GPC5: variants seen among roughly 807,000 people sequenced by gnomAD.
GPC5 encodes glypican 5.
In GPC5, 47 loss-of-function variants were observed where a neutral mutation model predicts 53.9. The ratio of observed to expected loss-of-function variants is 0.87; its 90% confidence interval spans 0.69 to 1.11. The LOEUF (loss-of-function observed/expected upper bound fraction) is 1.11. GPC5 is among the 50% of genes most tolerant of loss of function. The pLI is 0.00. For synonymous variants in GPC5, 286 were observed against 263.3 expected (o/e 1.09, Z -0.84); for missense variants, 748 against 713.1 (o/e 1.05, Z -0.56).
At chr13:92,417,952 T>G (rs1876386765) in intron 7 of GPC5, among the ~76,000 whole-genome samples, 1 of 152,170 alleles carries the variant, frequency 6.6e-6, no homozygotes, top group African/African-American at 2.4e-5. Context: ...TGTAATATAA[T>G]CATACAATAG....
intron 7 of GPC5, among the ~76,000 whole-genome samples, chr13:92,206,170 T>G (rs71447392): frequency 0.69 from 91,908 of 132,288 alleles, 31,726 homozygotes; most frequent in African/African-American, 0.77. Flanking sequence ...TTTTTTTATT[T>G]TTTTTTTTTT....
chr13:91,594,086 A>T (rs1049478127), intron 2 of GPC5, among the ~76,000 whole-genome samples: 1 of 152,186 alleles, frequency 6.6e-6, no homozygotes, highest in African/African-American at 2.4e-5. Context: ...ATCTTTCTTC[A>T]TGGGTTTTTC....
intron 7 of GPC5, among the ~76,000 whole-genome samples, chr13:92,231,914 C>T (rs993499472): frequency 3.9e-5 from 6 of 152,074 alleles, no homozygotes; most frequent in African/African-American, 1.4e-4. Context: ...TGCAGTGAGC[C>T]GAGATCGCGC....
At chr13:91,857,675 C>T (rs1478752544) in intron 5 of GPC5, among the ~76,000 whole-genome samples, 7 of 150,738 alleles carry the variant, frequency 4.6e-5, no homozygotes, top group Non-Finnish European at 8.9e-5. Context: ...CAAGGACATA[C>T]ATACTTGCCT....
intron 6 of GPC5, among the ~76,000 whole-genome samples, chr13:91,944,468 G>C (rs1326041747): frequency 6.6e-6 from 1 of 152,110 alleles, no homozygotes; most frequent in Non-Finnish European, 1.5e-5. Context: ...CAAATTTTGA[G>C]ATTTAAAATT....
intron 2 of GPC5, among the ~76,000 whole-genome samples, chr13:91,679,199 C>T (rs1304988686): frequency 6.9e-6 from 1 of 145,662 alleles, no homozygotes; most frequent in African/African-American, 2.6e-5. Context: ...ATTTATTATA[C>T]TTTAAGTTCT....
intron 7 of GPC5, among the ~76,000 whole-genome samples, chr13:92,286,224 A>T (rs1161257534): frequency 2.0e-5 from 3 of 152,168 alleles, no homozygotes; most frequent in African/African-American, 7.2e-5. Context: ...ATCATTAAAA[A>T]GTCAGGAAAC....
intron 7 of GPC5, among the ~76,000 whole-genome samples, chr13:92,146,747 G>A (rs995299203): frequency 2.0e-5 from 3 of 152,054 alleles, no homozygotes; most frequent in Admixed American, 6.6e-5. Context: ...CACTATGAAT[G>A]AGAAAATACA....
At chr13:92,240,219 A>T (rs1431870014) in intron 7 of GPC5, 1 of 151,974 alleles carries the variant, frequency 6.6e-6, no homozygotes, top group Non-Finnish European at 1.5e-5. Flanking sequence ...AGCTATACAG[A>T]CTGACTAAAA....
chr13:92,320,003 CTATTT>C (rs1301531524), intron 7 of GPC5, among the ~76,000 whole-genome samples: 1 of 151,940 alleles, frequency 6.6e-6, no homozygotes, highest in African/African-American at 2.4e-5. Context: ...ATATTTTTCT[CTATTT>C]TAAGAATCAT....
intron 5 of GPC5, among the ~76,000 whole-genome samples, chr13:91,886,907 G>A (rs2039329006): frequency 2.0e-5 from 3 of 152,274 alleles, no homozygotes; most frequent in Admixed American, 2.0e-4. Context: ...CAGGTAAACA[G>A]TGTAAGCTGT....
intron 7 of GPC5, among the ~76,000 whole-genome samples, chr13:92,828,912 A>G (rs1372360315): frequency 2.0e-5 from 3 of 152,310 alleles, no homozygotes; most frequent in Middle Eastern, 3.4e-3. Flanking sequence ...CGGGTGATGA[A>G]TACACGAAAA....
intron 7 of GPC5, among the ~76,000 whole-genome samples, chr13:92,559,145 G>A (rs1199243833): frequency 2.0e-5 from 3 of 149,554 alleles, no homozygotes; most frequent in Non-Finnish European, 4.5e-5. Flanking sequence ...ACCCAGCAAC[G>A]GACGAAAATG....
chr13:92,044,617 T>A (rs2040966998), intron 6 of GPC5, among the ~76,000 whole-genome samples: 1 of 152,210 alleles, frequency 6.6e-6, no homozygotes, highest in African/African-American at 2.4e-5. Context: ...TTCTAGGAAT[T>A]GTAGTTTTTT....
At chr13:92,133,408 T>G (rs1250642617) in intron 6 of GPC5, among the ~76,000 whole-genome samples, 1 of 152,178 alleles carries the variant, frequency 6.6e-6, no homozygotes, top group Non-Finnish European at 1.5e-5. Flanking sequence ...TAGGGGAAAC[T>G]TCCCTTTTTA....
At chr13:91,590,869 C>T (rs1307487780) in intron 2 of GPC5, among the ~76,000 whole-genome samples, 1 of 152,158 alleles carries the variant, frequency 6.6e-6, no homozygotes, top group Non-Finnish European at 1.5e-5. Context: ...TATGATTGAA[C>T]CTCTCCTTAA....
intron 5 of GPC5, among the ~76,000 whole-genome samples, chr13:91,879,022 TA>T (rs1353970554): frequency 6.6e-6 from 1 of 152,210 alleles, no homozygotes; most frequent in Non-Finnish European, 1.5e-5. Context: ...TTCTTGCAAC[TA>T]TGCACATACC....
Position 92,607,356 on chromosome 13 carries a change from A to G in GPC5, c.1562-258926A>G, listed in dbSNP as rs370361389. ...TCATTATCTACTAGTGGCAACTTCA[A>G]TTCTGCTTACGATGGCTGGCATTAG... On this transcript the variant is annotated intron_variant, in intron 7 of 7. Transcript: ENST00000377067. 9.8e-5 allele frequency among the ~76,000 whole-genome samples: 15 copies of G among 152,322 alleles called. No individual in the cohort carries two copies. In the South Asian group the frequency reaches 1.0e-3, roughly 11 times the overall value.
intron 6 of GPC5, among the ~76,000 whole-genome samples, chr13:92,017,814 AC>A (rs1293995833): frequency 6.6e-6 from 1 of 151,574 alleles, no homozygotes; most frequent in Admixed American, 6.6e-5. Context: ...ACGCATGAGT[AC>A]ACACACGCAT....
Sources: gnomAD v4.1 joint callset for allele counts (sites outside exome capture counted in the v4.1 genomes callset) on GRCh38, gnomAD v4.1.1 for gene constraint, MANE v1.5 for transcripts, NCBI Gene and HGNC (gene_info 2026-07-23, HGNC 2026-07-21) for gene names.